Variants in GPHN observed in about 807,000 individuals in gnomAD.
GPHN encodes gephyrin.
In GPHN, 17 loss-of-function variants were observed where a neutral mutation model predicts 95.5. That is an observed-to-expected ratio of 0.18 (90% CI 0.12 to 0.27). The LOEUF (loss-of-function observed/expected upper bound fraction) is 0.27. Among genes scored for constraint, GPHN ranks in the 10% least tolerant of loss-of-function variants. GPHN has a pLI of 1.00. For synonymous variants in GPHN, 320 were observed against 322.5 expected (o/e 0.99, Z 0.08); for missense variants, 660 against 978.1 (o/e 0.67, Z 4.34).
At chr14:66,553,206 G>A (rs1158652157) in intron 1 of GPHN, among the ~76,000 whole-genome samples, 1 of 151,980 alleles carries the variant, frequency 6.6e-6, no homozygotes, top group Non-Finnish European at 1.5e-5. Flanking sequence ...GGCCAGGCTG[G>A]TCTCGAACTT....
At chr14:67,082,056 G>A (rs1333564467) in intron 11 of GPHN, among the ~76,000 whole-genome samples, 6 of 152,072 alleles carry the variant, frequency 3.9e-5, no homozygotes. Flanking sequence ...TGTTCTTTTT[G>A]CTTAGTCTTG....
intron 5 of GPHN, among the ~76,000 whole-genome samples, chr14:66,912,222 G>A (rs1364969003): frequency 1.3e-5 from 2 of 151,942 alleles, no homozygotes; most frequent in Admixed American, 1.3e-4. Flanking sequence ...AGGTTCTATT[G>A]TTAGCTTCTG....
intron 1 of GPHN, among the ~76,000 whole-genome samples, chr14:66,554,390 C>T (rs544233733): frequency 3.4e-4 from 52 of 152,214 alleles, no homozygotes; most frequent in African/African-American, 6.3e-4. Context: ...ACCTGAGACT[C>T]GGTAATTTAT....
At chr14:66,834,758 T>A (rs575752397) in intron 4 of GPHN, among the ~76,000 whole-genome samples, 1,874 of 151,118 alleles carry the variant, frequency 0.012, 18 homozygotes, top group Non-Finnish European at 0.018. Context: ...ATCAGAATGA[T>A]GCTGGCCTCA....
chr14:67,548,959 G>A, the GPHN span, among the ~76,000 whole-genome samples: 1 of 152,160 alleles, frequency 6.6e-6, no homozygotes, highest in Non-Finnish European at 1.5e-5. Flanking sequence ...AGAGAACAAT[G>A]GATGTTGCTC....
chr14:66,954,418 T>C (rs530519503), intron 8 of GPHN, among the ~76,000 whole-genome samples: 69 of 152,346 alleles, frequency 4.5e-4, no homozygotes, highest in Middle Eastern at 3.4e-3. Flanking sequence ...TTCTTAATTT[T>C]ATTTTTGAAC....
intron 2 of GPHN, among the ~76,000 whole-genome samples, chr14:66,741,724 T>C (rs770256393): frequency 1.3e-5 from 2 of 152,200 alleles, no homozygotes; most frequent in African/African-American, 2.4e-5. Flanking sequence ...TATTTCTTCC[T>C]CTCAAGTCCT....
intron 18 of GPHN, among the ~76,000 whole-genome samples, chr14:67,145,973 G>A (rs1316542447): frequency 6.6e-6 from 1 of 152,192 alleles, no homozygotes; most frequent in Non-Finnish European, 1.5e-5. Context: ...AGGTACTTAA[G>A]CAGCACCAAA....
At chr14:67,384,682 G>A in the GPHN span, 1 of 152,288 alleles carries the variant, frequency 6.6e-6, no homozygotes, top group East Asian at 1.9e-4. Flanking sequence ...TGTTGGGCAG[G>A]TAGTTTGTAC....
intron 8 of GPHN, among the ~76,000 whole-genome samples, chr14:66,954,035 C>A (rs2068312794): frequency 5.4e-5 from 7 of 128,884 alleles, no homozygotes; most frequent in Admixed American, 7.7e-5. Context: ...AACTCGGTCT[C>A]AAAAAAAAAA....
intron 5 of GPHN, among the ~76,000 whole-genome samples, chr14:66,882,858 A>G (rs891202666): frequency 6.9e-6 from 1 of 144,928 alleles, no homozygotes; most frequent in Non-Finnish European, 1.5e-5. Context: ...TTCAGCATTA[A>G]AAAAAAAAAA....
intron 5 of GPHN, among the ~76,000 whole-genome samples, chr14:66,900,637 C>T (rs539677177): frequency 6.6e-6 from 1 of 151,868 alleles, no homozygotes; most frequent in African/African-American, 2.4e-5. Context: ...GGAGAACTTG[C>T]GACATTCTTC....
the GPHN span, chr14:67,579,167 G>A: frequency 6.2e-7 from 1 of 1,606,144 alleles, no homozygotes; most frequent in Non-Finnish European, 8.5e-7. Flanking sequence ...CCTACTGCCA[G>A]CGGGCAGTGG....
chr14:67,712,514 A>AAAAAAAAAAAAAAT, the GPHN span, among the ~76,000 whole-genome samples: 1 of 148,720 alleles, frequency 6.7e-6, no homozygotes, highest in African/African-American at 2.5e-5. Context: ...AAAAAAAAAA[A>AAAAAAAAAAAAAAT]AAAGACAAGG....
intron 1 of GPHN, among the ~76,000 whole-genome samples, chr14:66,607,143 T>C (rs1180084077): frequency 2.0e-5 from 3 of 152,060 alleles, no homozygotes; most frequent in Admixed American, 1.3e-4. Context: ...TGAGGTATGT[T>C]CCTTCGAAGC....
intron 17 of GPHN, among the ~76,000 whole-genome samples, chr14:67,134,704 T>G (rs908108372): frequency 3.9e-5 from 6 of 152,112 alleles, no homozygotes; most frequent in Non-Finnish European, 7.4e-5. Flanking sequence ...CACAATTTGT[T>G]GTGTCTCTTT....
intron 11 of GPHN, among the ~76,000 whole-genome samples, chr14:67,071,100 A>G (rs2076287006): frequency 6.6e-6 from 1 of 152,160 alleles, no homozygotes; most frequent in African/African-American, 2.4e-5. Context: ...CTAGAACTAG[A>G]AATACCATTT....
the GPHN span, chr14:67,227,777 A>G: frequency 2.0e-5 from 3 of 152,200 alleles, no homozygotes; most frequent in African/African-American, 7.2e-5. Context: ...TTTGCTAGAA[A>G]TTTAAAAGAG....
At chr14:67,457,305 A>C in the GPHN span, among the ~76,000 whole-genome samples, 1 of 152,238 alleles carries the variant, frequency 6.6e-6, no homozygotes, top group East Asian at 1.9e-4. Flanking sequence ...AGAAAAAAGA[A>C]ACAAACAGCA....
Sources: allele counts gnomAD v4.1 joint callset (sites outside exome capture counted in the v4.1 genomes callset), GRCh38; gene constraint gnomAD v4.1.1; transcripts MANE v1.5; gene names NCBI Gene and HGNC (gene_info 2026-07-23, HGNC 2026-07-21).